DKK2: variants seen among roughly 807,000 people sequenced by gnomAD.
The protein encoded by DKK2 is dickkopf Wnt signaling pathway inhibitor 2, also known as dickkopf-related protein 2.
In DKK2, 11 loss-of-function variants were observed where a neutral mutation model predicts 28.1. The ratio of observed to expected loss-of-function variants is 0.39; its 90% CI spans 0.25 to 0.65. The LOEUF is 0.65. Ranked by LOEUF, DKK2 falls within the 30% of genes least tolerant of loss-of-function variation. The pLI is 0.47. For synonymous variants in DKK2, 135 were observed against 126.5 expected (o/e 1.07, Z -0.45); for missense variants, 326 against 335.5 (o/e 0.97, Z 0.22).
intron 1 of DKK2, among the ~76,000 whole-genome samples, chr4:106,984,089 G>GT (rs1293189597): frequency 6.6e-6 from 1 of 152,154 alleles, no homozygotes; most frequent in Non-Finnish European, 1.5e-5. Context: ...CTACAACCCA[G>GT]TATTTATACT....
intron 1 of DKK2, among the ~76,000 whole-genome samples, chr4:106,973,464 G>A (rs1384540551): frequency 6.6e-6 from 1 of 152,202 alleles, no homozygotes; most frequent in Non-Finnish European, 1.5e-5. Context: ...TTTTGGCTTT[G>A]ATTTGCATTT....
intron 1 of DKK2, among the ~76,000 whole-genome samples, chr4:107,002,263 A>G (rs1723370581): frequency 6.6e-6 from 1 of 152,208 alleles, no homozygotes; most frequent in Admixed American, 6.5e-5. Flanking sequence ...AATTATTAAA[A>G]TCATTTAAGT....
chr4:106,967,904 C>T (rs377705044), intron 1 of DKK2, among the ~76,000 whole-genome samples: 14 of 145,210 alleles, frequency 9.6e-5, no homozygotes, highest in Admixed American at 6.3e-4. Flanking sequence ...GAGGGAGAGG[C>T]AGGTTAAGGG....
chr4:106,973,690 T>C (rs908271402), intron 1 of DKK2, among the ~76,000 whole-genome samples: 3 of 152,212 alleles, frequency 2.0e-5, no homozygotes. Context: ...AGGTTGCCTG[T>C]TCACTCTGAT....
At chr4:107,024,243 A>G (rs929966693) in intron 1 of DKK2, among the ~76,000 whole-genome samples, 2 of 152,112 alleles carry the variant, frequency 1.3e-5, no homozygotes, top group African/African-American at 2.4e-5. Context: ...TGTTTTGAAA[A>G]TATGTAAATA....
chr4:106,933,449 T>A (rs998520524), intron 1 of DKK2, among the ~76,000 whole-genome samples: 5 of 152,180 alleles, frequency 3.3e-5, no homozygotes, highest in Non-Finnish European at 5.9e-5. Flanking sequence ...TTTCTACAAC[T>A]GTATGAAAAA....
chr4:106,981,884 A>C (rs1723030731), intron 1 of DKK2, among the ~76,000 whole-genome samples: 1 of 152,098 alleles, frequency 6.6e-6, no homozygotes, highest in South Asian at 2.1e-4. Context: ...TCTCCAGCTA[A>C]ATTATAAATT....
intron 1 of DKK2, among the ~76,000 whole-genome samples, chr4:106,985,915 A>G (rs1723113315): frequency 6.6e-6 from 1 of 151,938 alleles, no homozygotes; most frequent in South Asian, 2.1e-4. Context: ...GAGGGACAAA[A>G]AGGGAGGGAA....
chr4:106,935,670 GACAA>G (rs1458506639), intron 1 of DKK2, among the ~76,000 whole-genome samples: 2 of 152,234 alleles, frequency 1.3e-5, no homozygotes, highest in African/African-American at 4.8e-5. Context: ...GCAGGGCACA[GACAA>G]ACAAAGAGAC....
At chr4:106,963,243 C>T (rs1157750632) in intron 1 of DKK2, among the ~76,000 whole-genome samples, 1 of 151,700 alleles carries the variant, frequency 6.6e-6, no homozygotes, top group East Asian at 1.9e-4. Context: ...ATCCCAGCTA[C>T]TTGGGAGTCT....
chr4:106,927,794 T>G (rs759032572), intron 1 of DKK2, among the ~76,000 whole-genome samples: 8 of 152,216 alleles, frequency 5.3e-5, no homozygotes, highest in Non-Finnish European at 1.2e-4. Flanking sequence ...CTGATTCATT[T>G]ACATTTATTT....
chr4:107,033,618 A>C (rs1267890154), intron 1 of DKK2, among the ~76,000 whole-genome samples: 1 of 152,176 alleles, frequency 6.6e-6, no homozygotes, highest in African/African-American at 2.4e-5. Context: ...CTTTACAAAA[A>C]TTCCCAGAAA....
Position 106,955,502 on chromosome 4 carries a change from AAC to A in DKK2, c.223-29555_223-29554del, listed in dbSNP as rs543044768. Reference sequence around the variant, plus strand: ...GCTTTCCCCCTATGGAATTACACCCAACACACATCAACATTTCACCCATGAAT... The same window carrying A: ...GCTTTCCCCCTATGGAATTACACCCAACACATCAACATTTCACCCATGAAT... On this transcript the variant is annotated intron_variant, in intron 1 of 3. Transcript: ENST00000285311. Among the ~76,000 whole-genome samples the A allele has an allele frequency of 1.2e-4, 19 of 152,254 alleles. No individual in the cohort carries two copies. In the South Asian group the frequency reaches 3.9e-3, roughly 32 times the overall value.
At chr4:106,937,554 T>G (rs1341182483) in intron 1 of DKK2, among the ~76,000 whole-genome samples, 5 of 150,782 alleles carry the variant, frequency 3.3e-5, no homozygotes, top group Non-Finnish European at 4.4e-5. Flanking sequence ...ATTAGACAGA[T>G]CAACGAGACA....
chr4:106,928,948 T>C (rs1030822827), intron 1 of DKK2, among the ~76,000 whole-genome samples: 1 of 152,098 alleles, frequency 6.6e-6, no homozygotes. Flanking sequence ...GGGTTAACAG[T>C]AGTTGTGGAT....
intron 1 of DKK2, among the ~76,000 whole-genome samples, chr4:106,943,958 T>C (rs1410811358): frequency 6.6e-6 from 1 of 152,128 alleles, no homozygotes; most frequent in Admixed American, 6.6e-5. Context: ...CAATTATTTC[T>C]AAGTTGTCTT....
At chr4:106,965,315 C>T (rs1412507655) in intron 1 of DKK2, among the ~76,000 whole-genome samples, 5 of 152,092 alleles carry the variant, frequency 3.3e-5, no homozygotes, top group South Asian at 2.1e-4. Flanking sequence ...TATTAGCCAT[C>T]GTGTTTCAAC....
chr4:106,982,976 G>GAGAA (rs760996516), intron 1 of DKK2, among the ~76,000 whole-genome samples: 2 of 138,630 alleles, frequency 1.4e-5, no homozygotes, highest in Non-Finnish European at 3.1e-5. Context: ...AAGAAAGAAA[G>GAGAA]AGAAAGAAAG....
At chr4:107,020,779 G>T (rs1043821817) in intron 1 of DKK2, among the ~76,000 whole-genome samples, 1 of 151,986 alleles carries the variant, frequency 6.6e-6, no homozygotes, top group Non-Finnish European at 1.5e-5. Flanking sequence ...GTGTGTGTGT[G>T]TCTCTGTGCG....
Sources: gnomAD v4.1 joint callset for allele counts (sites outside exome capture counted in the v4.1 genomes callset) on GRCh38, gnomAD v4.1.1 for gene constraint, MANE v1.5 for transcripts, NCBI Gene and HGNC (gene_info 2026-07-23, HGNC 2026-07-21) for gene names.